The following GMDS variants were observed in gnomAD, a reference collection of about 807,000 sequenced individuals.
The protein encoded by GMDS is GDP-mannose 4,6 dehydratase.
In GMDS, 20 loss-of-function variants were observed where a neutral mutation model predicts 49.9. That is an observed-to-expected ratio of 0.40 (90% CI 0.28 to 0.58). GMDS has a LOEUF of 0.58. Ranked by LOEUF, GMDS falls within the 20% of genes least tolerant of loss-of-function variation. The pLI is 0.42. For synonymous variants in GMDS, 177 were observed against 178.6 expected, an observed-to-expected ratio of 0.99 and a Z score of 0.07; for missense variants, 362 against 481.4, an observed-to-expected ratio of 0.75 and a Z score of 2.32.
At chr6:2,063,763 C>G (rs534148072) in intron 4 of GMDS, among the ~76,000 whole-genome samples, 1 of 152,270 alleles carries the variant, frequency 6.6e-6, no homozygotes, top group African/African-American at 2.4e-5. Context: ...TAATATCCCA[C>G]CTGTCATTAT....
intron 4 of GMDS, among the ~76,000 whole-genome samples, chr6:1,995,183 G>A (rs1581481569): frequency 6.6e-6 from 1 of 152,106 alleles, no homozygotes; most frequent in Non-Finnish European, 1.5e-5. Context: ...TGGAGAACAC[G>A]GCTCACCATG....
At chr6:2,181,299 C>T (rs138878907) in intron 1 of GMDS, among the ~76,000 whole-genome samples, 251 of 152,132 alleles carry the variant, frequency 1.6e-3, no homozygotes, top group African/African-American at 5.8e-3. Context: ...ACCTACCTCT[C>T]TCCTCAAAAA....
chr6:2,148,392 T>G (rs1001414501), intron 1 of GMDS, among the ~76,000 whole-genome samples: 13 of 152,156 alleles, frequency 8.5e-5, no homozygotes, highest in Non-Finnish European at 2.9e-5. Context: ...GAGTTTGTAT[T>G]CACATCTATC....
intron 1 of GMDS, among the ~76,000 whole-genome samples, chr6:2,187,869 G>A (rs1267890956): frequency 1.3e-5 from 2 of 152,154 alleles, no homozygotes; most frequent in African/African-American, 4.8e-5. Flanking sequence ...GGAAATTGTG[G>A]ATTCAAACCA....
intron 7 of GMDS, among the ~76,000 whole-genome samples, chr6:1,911,324 A>G (rs1761041562): frequency 6.6e-6 from 1 of 152,174 alleles, no homozygotes; most frequent in Non-Finnish European, 1.5e-5. Flanking sequence ...CAAAACACCT[A>G]CAACTGAAAA....
intron 4 of GMDS, among the ~76,000 whole-genome samples, chr6:2,100,208 T>C (rs763019258): frequency 2.0e-4 from 31 of 152,088 alleles, no homozygotes; most frequent in Non-Finnish European, 2.9e-5. Context: ...TATTTCAATA[T>C]ACCAATCAAA....
At chr6:1,914,120 GTTTTTTGTTTGTTTTTTT>G (rs1761224830) in intron 7 of GMDS, among the ~76,000 whole-genome samples, 1 of 110,304 alleles carries the variant, frequency 9.1e-6, no homozygotes, top group African/African-American at 3.8e-5. Flanking sequence ...TCATGAAAGC[GTTTTTTGTTTGTTTTTTT>G]TTTTTTTTTT....
chr6:1,771,600 ACTGT>A (rs886425614), intron 7 of GMDS, among the ~76,000 whole-genome samples: 58 of 152,354 alleles, frequency 3.8e-4, no homozygotes, highest in African/African-American at 1.3e-3. Context: ...GCTACACAGC[ACTGT>A]CTGTTTTGCA....
chr6:2,093,512 C>A (rs1267420399), intron 4 of GMDS, among the ~76,000 whole-genome samples: 2 of 151,988 alleles, frequency 1.3e-5, no homozygotes, highest in South Asian at 4.2e-4. Flanking sequence ...TATAGATAAC[C>A]AGGGAGAGGA....
Position 2,224,358 on chromosome 6 carries a change from C to G in GMDS, c.102+20963G>C, listed in dbSNP as rs370982231. ...TAATTCAGCTCTGTTGCAGGGATCC[C>G]TAATGCAGAACACTGACCACAGGGC... On this transcript the variant is annotated intron_variant, in intron 1 of 10. Coordinates refer to ENST00000380815, the MANE Select transcript of GMDS (RefSeq NM_001500.4). 5.3e-4 allele frequency among the ~76,000 whole-genome samples: 80 copies of G among 152,306 alleles called. 1 individual carries two copies. The South Asian group carries it at 8.9e-3, about 17-fold the overall frequency.
chr6:1,865,360 A>C (rs1223168916), intron 7 of GMDS, among the ~76,000 whole-genome samples: 1 of 152,188 alleles, frequency 6.6e-6, no homozygotes, highest in Non-Finnish European at 1.5e-5. Context: ...TGTGTATTTC[A>C]AGGAAGAACA....
chr6:2,166,637 T>A (rs1435615408), intron 1 of GMDS, among the ~76,000 whole-genome samples: 1 of 152,166 alleles, frequency 6.6e-6, no homozygotes, highest in East Asian at 1.9e-4. Flanking sequence ...AAGATTTATG[T>A]GAAGAAAGAT....
chr6:2,165,293 C>A (rs777905143), intron 1 of GMDS, among the ~76,000 whole-genome samples: 1 of 152,208 alleles, frequency 6.6e-6, no homozygotes, highest in Admixed American at 6.5e-5. Context: ...GCAGTCCACA[C>A]GCTGAAGAGC....
At chr6:1,687,829 G>C (rs1765032821) in intron 9 of GMDS, among the ~76,000 whole-genome samples, 2 of 152,106 alleles carry the variant, frequency 1.3e-5, no homozygotes, top group African/African-American at 4.8e-5. Context: ...TGGTTGGAGA[G>C]AGGGCATGGG....
chr6:2,147,516 C>T (rs757583230), intron 1 of GMDS, among the ~76,000 whole-genome samples: 7 of 151,974 alleles, frequency 4.6e-5, no homozygotes, highest in Admixed American at 3.3e-4. Flanking sequence ...ACCTAGACAT[C>T]GGACTCCTAT....
rs866191582 is a variant in GMDS at position 1,728,162 on chromosome 6, T to G, written c.891-1650A>C. 5.5e-4 allele frequency among the ~76,000 whole-genome samples: 84 copies of G among 152,330 alleles called. 1 individual carries two copies. The highest frequency in any genetic ancestry group is 6.8e-3 in the Middle Eastern group (2 of 294). On this transcript the variant is annotated intron_variant, in intron 8 of 10. Transcript: ENST00000380815. Reference sequence around the variant, plus strand: ...GGAATGATGACCCTCATACATCTCCTGTGGATAAAGACCAAATCTTAGCTA... The same window carrying G: ...GGAATGATGACCCTCATACATCTCCGGTGGATAAAGACCAAATCTTAGCTA...
At chr6:1,977,286 T>G (rs1305861556) in intron 4 of GMDS, among the ~76,000 whole-genome samples, 1 of 152,220 alleles carries the variant, frequency 6.6e-6, no homozygotes, top group African/African-American at 2.4e-5. Context: ...AATCCATATT[T>G]TGCCAATAAC....
intron 6 of GMDS, among the ~76,000 whole-genome samples, chr6:1,942,182 G>C (rs1762855131): frequency 6.6e-6 from 1 of 152,152 alleles, no homozygotes; most frequent in Non-Finnish European, 1.5e-5. Flanking sequence ...GGCCCTGCAT[G>C]GTGAATGGTC....
chr6:1,696,323 C>T (rs896711764), intron 9 of GMDS, among the ~76,000 whole-genome samples: 16 of 152,246 alleles, frequency 1.1e-4, no homozygotes, highest in African/African-American at 2.9e-4. Flanking sequence ...CTAGGGCCTA[C>T]GCCGTGATTT....
Sources: allele counts gnomAD v4.1 joint callset (sites outside exome capture counted in the v4.1 genomes callset), GRCh38; gene constraint gnomAD v4.1.1; transcripts MANE v1.5; gene names NCBI Gene and HGNC (gene_info 2026-07-23, HGNC 2026-07-21).